Variants in MGAT5 observed in about 807,000 individuals in gnomAD.
The protein encoded by MGAT5 is alpha-1,6-mannosylglycoprotein 6-beta-N-acetylglucosaminyltransferase A.
In MGAT5, 30 loss-of-function variants were observed where a neutral mutation model predicts 94.3. That is an observed-to-expected ratio of 0.32 (90% CI 0.24 to 0.43). The LOEUF (loss-of-function observed/expected upper bound fraction) is 0.43. Ranked by LOEUF, MGAT5 falls within the 20% of genes least tolerant of loss-of-function variation. The probability of loss-of-function intolerance (pLI) is 1.00; values close to 1 mark genes in which losing one functional copy is unlikely to be tolerated. For synonymous variants in MGAT5, 310 were observed against 322.9 expected, an observed-to-expected ratio of 0.96 and a Z score of 0.43; for missense variants, 691 against 905.5, an observed-to-expected ratio of 0.76 and a Z score of 3.04.
In MGAT5 at chr2:134,451,170, C is replaced by T. The variant is rs913641141; in HGVS notation, c.*2323C>T. 2 of 152,206 alleles carry T rather than the reference C, an allele frequency of 1.3e-5. No homozygotes were observed. The highest frequency in any genetic ancestry group is 2.4e-5 in the African/African-American group (1 of 41,442). 9.4% of individuals were successfully genotyped at this position (152,206 alleles called of 1,614,324 possible). A position where few individuals can be genotyped will look rare whatever the true frequency, so the allele number is the denominator to read the frequency against. ...TTAGCCCTGCCTTGTGTTCCAAAAG[C>T]TGCAAGGATCATTTGCTGGCTGTCC... On this transcript the variant is annotated 3_prime_UTR_variant, in exon 16 of 16. Transcript: ENST00000281923.
intron 10 of MGAT5, among the ~76,000 whole-genome samples, chr2:134,372,981 A>G (rs1412537765): frequency 2.0e-5 from 3 of 152,228 alleles, no homozygotes; most frequent in African/African-American, 7.2e-5. Flanking sequence ...AAGGTTCCAA[A>G]TCACTGCCTT....
chr2:134,180,038 C>T (rs1342892369), intron 1 of MGAT5, among the ~76,000 whole-genome samples: 1 of 152,184 alleles, frequency 6.6e-6, no homozygotes, highest in East Asian at 1.9e-4. Context: ...TTACAAATGC[C>T]ATGGCAATGC....
chr2:134,254,371 A>G lies in MGAT5; in HGVS notation c.-33A>G. ...ATTTGTGTCTATCTTCTACGCGTTAAGAGCCAAGGACAGGTGAAGTTGCCA... is the reference window on the plus strand; with the variant it reads ...ATTTGTGTCTATCTTCTACGCGTTAGGAGCCAAGGACAGGTGAAGTTGCCA... On this transcript the variant is annotated 5_prime_UTR_variant, in exon 1 of 16. It removes the in-frame stop codon of an upstream open reading frame in the 5' UTR. Coordinates refer to ENST00000281923, the MANE Select transcript of MGAT5 (RefSeq NM_002410.5). 1 of 1,612,490 alleles carries G rather than the reference A, an allele frequency of 6.2e-7. No homozygotes were observed. The highest frequency in any genetic ancestry group is 1.7e-5 in the Admixed American group (1 of 59,810).
At chr2:134,379,924 A>G (rs1341519445) in intron 10 of MGAT5, among the ~76,000 whole-genome samples, 3 of 152,184 alleles carry the variant, frequency 2.0e-5, no homozygotes, top group Non-Finnish European at 4.4e-5. Context: ...TGATTCTGTC[A>G]CTTGGCCTGT....
At chr2:134,281,273 G>A (rs901535138) in intron 2 of MGAT5, among the ~76,000 whole-genome samples, 2 of 152,116 alleles carry the variant, frequency 1.3e-5, no homozygotes, top group Admixed American at 1.3e-4. Flanking sequence ...ACAAAGCAGT[G>A]GTCACAAACA....
chr2:134,184,387 A>C (rs952549628), intron 1 of MGAT5, among the ~76,000 whole-genome samples: 2 of 152,098 alleles, frequency 1.3e-5, no homozygotes, highest in African/African-American at 4.8e-5. Flanking sequence ...AGGGAAGGGT[A>C]CCCTTGAGTG....
chr2:134,431,611 C>A (rs973743013), intron 14 of MGAT5, among the ~76,000 whole-genome samples: 3 of 152,204 alleles, frequency 2.0e-5, no homozygotes, highest in Admixed American at 2.0e-4. Context: ...ACAAGAAAGC[C>A]TGCAGCTCCG....
intron 1 of MGAT5, among the ~76,000 whole-genome samples, chr2:134,214,053 C>T (rs1043955174): frequency 6.6e-6 from 1 of 152,192 alleles, no homozygotes; most frequent in Admixed American, 6.5e-5. Flanking sequence ...GGACCTCAGC[C>T]ACCAGTCAAT....
intron 1 of MGAT5, among the ~76,000 whole-genome samples, chr2:134,256,003 C>A (rs186224330): frequency 1.9e-4 from 29 of 152,216 alleles, no homozygotes; most frequent in Admixed American, 1.6e-3. Flanking sequence ...TTAGAAGATG[C>A]TTACTTCTGA....
At chr2:134,311,815 A>G (rs1216216192) in intron 2 of MGAT5, among the ~76,000 whole-genome samples, 1 of 152,224 alleles carries the variant, frequency 6.6e-6, no homozygotes, top group Non-Finnish European at 1.5e-5. Flanking sequence ...GATACTTAAA[A>G]AGAAATGGAC....
intron 1 of MGAT5, among the ~76,000 whole-genome samples, chr2:134,202,120 G>A (rs570937237): frequency 1.1e-3 from 172 of 152,120 alleles, no homozygotes; most frequent in Non-Finnish European, 1.8e-3. Context: ...TCCATCCTCT[G>A]CCACCTGACC....
rs142800501 is a variant in MGAT5, at chr2:134,314,633, C to T, written c.407-2896C>T. 2.5e-3 allele frequency among the ~76,000 whole-genome samples: 388 copies of T among 152,260 alleles called. 5 individuals carry two copies. The highest frequency in any genetic ancestry group is 0.023 in the East Asian group (117 of 5,180). ...GGGAAGCCCAGAGGAGGACAGGATT[C>T]CTAACAAAATCCTGACTAGGCTTGG... On this transcript the variant is annotated intron_variant, in intron 2 of 15. Coordinates refer to ENST00000281923, the MANE Select transcript of MGAT5 (RefSeq NM_002410.5).
intron 1 of MGAT5, among the ~76,000 whole-genome samples, chr2:134,142,915 T>A (rs1176585935): frequency 6.6e-6 from 1 of 152,090 alleles, no homozygotes; most frequent in African/African-American, 2.4e-5. Context: ...CCACTGCACC[T>A]GGTCCTGTTT....
At chr2:134,383,965 C>T (rs1681795042) in intron 10 of MGAT5, among the ~76,000 whole-genome samples, 1 of 94,770 alleles carries the variant, frequency 1.1e-5, no homozygotes, top group South Asian at 4.7e-4. Flanking sequence ...AGGTGTCAGC[C>T]ACCGCGCCTG....
intron 1 of MGAT5, among the ~76,000 whole-genome samples, chr2:134,192,291 G>A (rs1300242315): frequency 6.6e-6 from 1 of 152,118 alleles, no homozygotes; most frequent in African/African-American, 2.4e-5. Flanking sequence ...TCCCATGAGT[G>A]TGCTCTTGCA....
intron 9 of MGAT5, among the ~76,000 whole-genome samples, chr2:134,360,823 C>G (rs996252240): frequency 7.2e-5 from 11 of 152,346 alleles, no homozygotes; most frequent in East Asian, 1.9e-4. Flanking sequence ...CCTCTGGGCA[C>G]TGGTTCAAAA....
chr2:134,252,404 C>T (rs958135890), upstream of MGAT5, among the ~76,000 whole-genome samples: 1 of 152,140 alleles, frequency 6.6e-6, no homozygotes, highest in Non-Finnish European at 1.5e-5. Flanking sequence ...GGTTGAGCCT[C>T]ATTTTAATAG....
intron 10 of MGAT5, among the ~76,000 whole-genome samples, chr2:134,399,305 T>G (rs138801976): frequency 6.6e-6 from 1 of 152,220 alleles, no homozygotes; most frequent in Non-Finnish European, 1.5e-5. Flanking sequence ...GTAAATTGAA[T>G]TGTTTTTCTA....
At chr2:134,127,104 A>C (rs1404725890) in intron 1 of MGAT5, 1 of 154,608 alleles carries the variant, frequency 6.5e-6, no homozygotes, top group Non-Finnish European at 1.5e-5. Context: ...AATTTTTTAG[A>C]GCACCTAGTT....
Sources: gnomAD v4.1 joint callset for allele counts (sites outside exome capture counted in the v4.1 genomes callset) on GRCh38, gnomAD v4.1.1 for gene constraint, MANE v1.5 for transcripts, NCBI Gene and HGNC (gene_info 2026-07-23, HGNC 2026-07-21) for gene names.